C9orf153: variants seen among roughly 807,000 people sequenced by gnomAD.
C9orf153 encodes the protein uncharacterized protein C9orf153.
A neutral mutation model predicts 9.0 loss-of-function variants in C9orf153; 10 were observed. The observed-to-expected ratio is 1.11, with a 90% confidence interval of 0.69 to 1.89. The LOEUF is 1.89. Among genes scored for constraint, C9orf153 ranks in the 40% most tolerant of loss-of-function variants. The pLI is 0.00. For missense variants in C9orf153, 108 were observed against 111.0 expected (o/e 0.97, Z 0.12); for synonymous variants, 35 against 37.3 (o/e 0.94, Z 0.23).
intron 1 of C9orf153, among the ~76,000 whole-genome samples, chr9:86,249,252 G>GAC (rs1413200180): frequency 2.0e-5 from 3 of 152,220 alleles, no homozygotes; most frequent in African/African-American, 7.2e-5. Flanking sequence ...CTGGGAGTAA[G>GAC]ACAGAGTGTG....
chr9:86,242,792 C>T (rs572834349), intron 1 of C9orf153, among the ~76,000 whole-genome samples: 36 of 152,276 alleles, frequency 2.4e-4, no homozygotes, highest in African/African-American at 7.5e-4. Context: ...GATTCTCCTG[C>T]CTCAGTCTCC....
At position 86,221,597 on chromosome 9, in the gene C9orf153, C is replaced by T. The variant is rs929007882; in HGVS notation, c.*91G>A. On this transcript the variant is annotated 3_prime_UTR_variant, in exon 4 of 4. Transcript: ENST00000339137. ...CTATAGGGGGGAAAATAACGTCAGG[C>T]ATGTCCTGGCTCTCTACAAATCTCT... 2.0e-5 allele frequency: 29 copies of T among 1,455,034 alleles called. No individual in the cohort carries two copies. In the African/African-American group the frequency reaches 3.5e-4, roughly 17 times the overall value. The allele number at this position is 1,455,034 out of a possible 1,614,324, so 90.1% of individuals were successfully genotyped here. A position where few individuals can be genotyped will look rare whatever the true frequency, so the allele number is the denominator to read the frequency against.
chr9:86,225,251 T>C (rs1824296950), intron 3 of C9orf153, among the ~76,000 whole-genome samples: 1 of 152,140 alleles, frequency 6.6e-6, no homozygotes, highest in South Asian at 2.1e-4. Context: ...GTTGCAATAC[T>C]AATTACCCCT....
rs1824382812 is a variant in C9orf153 at position 86,228,077 on chromosome 9, T to C, written c.67-47A>G. 2.1e-6 allele frequency: 3 copies of C among 1,410,752 alleles called. No individual in the cohort carries two copies. In the East Asian group the frequency reaches 7.2e-5, roughly 34 times the overall value. The allele number at this position is 1,410,752 out of a possible 1,614,324, so 87.4% of individuals were successfully genotyped here. On this transcript the variant is annotated intron_variant, in intron 2 of 3. Transcript: ENST00000339137. ...GTAAGTCACGAGACTGACAAAAATG[T>C]AATATTCTGGCAGACCTACAAACCC...
intron 3 of C9orf153, among the ~76,000 whole-genome samples, chr9:86,226,638 G>A (rs940337330): frequency 2.6e-5 from 4 of 152,116 alleles, no homozygotes; most frequent in African/African-American, 7.2e-5. Flanking sequence ...ACAAATTGAT[G>A]TAATCTATTA....
At chr9:86,237,924 T>C (rs1824636286) in intron 1 of C9orf153, among the ~76,000 whole-genome samples, 1 of 151,512 alleles carries the variant, frequency 6.6e-6, no homozygotes, top group South Asian at 2.1e-4. Flanking sequence ...ACTAAAAACG[T>C]AAAAAAATTA....
At chr9:86,254,577 A>G (rs1412617097) in intron 1 of C9orf153, among the ~76,000 whole-genome samples, 1 of 152,238 alleles carries the variant, frequency 6.6e-6, no homozygotes, top group Non-Finnish European at 1.5e-5. Context: ...GATACTTCAG[A>G]AACTCTAGAA....
intron 1 of C9orf153, among the ~76,000 whole-genome samples, chr9:86,241,617 T>A (rs1212476600): frequency 6.6e-6 from 1 of 151,996 alleles, no homozygotes; most frequent in Non-Finnish European, 1.5e-5. Context: ...ATAGGAAAAG[T>A]CGTACATTTC....
intron 1 of C9orf153, among the ~76,000 whole-genome samples, chr9:86,256,308 A>C (rs772952444): frequency 6.6e-6 from 1 of 152,228 alleles, no homozygotes; most frequent in Non-Finnish European, 1.5e-5. Context: ...CTCCATCATT[A>C]TTTTAGGTTT....
rs1204686847 is a variant in C9orf153, at chr9:86,238,574, G to A, written c.-26-8945C>T. On this transcript the variant is annotated intron_variant, in intron 1 of 3. Transcript: ENST00000339137. ...ATATATTCATTTTAAAATAGAGAAC[G>A]ACATACCCCAAGAGAGGGACTGCCC... Among the ~76,000 whole-genome samples, 4 of 152,134 alleles carry A rather than the reference G, an allele frequency of 2.6e-5. No homozygotes were observed. In the South Asian group the frequency reaches 6.2e-4, roughly 24 times the overall value.
At chr9:86,250,497 A>G (rs947578271) in intron 1 of C9orf153, among the ~76,000 whole-genome samples, 5 of 152,188 alleles carry the variant, frequency 3.3e-5, no homozygotes, top group Non-Finnish European at 7.3e-5. Flanking sequence ...ATATTTATAC[A>G]ATAAGATCTT....
chr9:86,243,442 AT>A lies in C9orf153; in HGVS notation c.-26-13814del, dbSNP rs113187419. Reference sequence around the variant, plus strand: ...GCCATAGAGCACCTAAAACCCCTGAATTTTTTTTTTTTCTTTTTCTTTTCTT... The same window carrying A: ...GCCATAGAGCACCTAAAACCCCTGAATTTTTTTTTTTCTTTTTCTTTTCTT... On this transcript the variant is annotated intron_variant, in intron 1 of 3. Transcript: ENST00000339137. Among the ~76,000 whole-genome samples, 952 of 143,906 alleles carry A rather than the reference AT, an allele frequency of 6.6e-3. 10 individuals are homozygous for A. Among genetic ancestry groups the A allele is most frequent in the African/African-American group, 0.02 (798 of 39,018 alleles). 94.4% of individuals were successfully genotyped at this position (143,906 alleles called of 152,430 possible).
At chr9:86,230,662 C>T (rs1428124833) in intron 1 of C9orf153, among the ~76,000 whole-genome samples, 1 of 152,104 alleles carries the variant, frequency 6.6e-6, no homozygotes, top group African/African-American at 2.4e-5. Context: ...TAAAGAAAAA[C>T]TCACCCACCT....
intron 1 of C9orf153, among the ~76,000 whole-genome samples, chr9:86,234,211 T>C: frequency 6.6e-6 from 1 of 152,256 alleles, no homozygotes; most frequent in East Asian, 1.9e-4. Context: ...ATTCTTTCTT[T>C]GAGCTTATGC....
At chr9:86,240,479 G>A (rs980925016) in intron 1 of C9orf153, among the ~76,000 whole-genome samples, 1 of 149,620 alleles carries the variant, frequency 6.7e-6, no homozygotes, top group African/African-American at 2.5e-5. Context: ...CTGGGTTCAA[G>A]CGATTCTCCC....
intron 1 of C9orf153, among the ~76,000 whole-genome samples, chr9:86,257,582 G>A (rs994658854): frequency 1.3e-5 from 2 of 152,142 alleles, no homozygotes; most frequent in African/African-American, 4.8e-5. Context: ...CCTTACCCTT[G>A]AGTCTGGCTG....
chr9:86,228,299 TA>T (rs1189334124), intron 2 of C9orf153, among the ~76,000 whole-genome samples: 1 of 152,216 alleles, frequency 6.6e-6, no homozygotes, highest in African/African-American at 2.4e-5. Context: ...ATTAGGCAGT[TA>T]GAATTGAACT....
chr9:86,254,858 A>ACCAG (rs976330442), intron 1 of C9orf153, among the ~76,000 whole-genome samples: 1 of 152,114 alleles, frequency 6.6e-6, no homozygotes, highest in Non-Finnish European at 1.5e-5. Flanking sequence ...GGAGTTTGAG[A>ACCAG]CCAGCCAGCC....
At chr9:86,250,639 T>C (rs1446859063) in intron 1 of C9orf153, among the ~76,000 whole-genome samples, 1 of 152,226 alleles carries the variant, frequency 6.6e-6, no homozygotes, top group Non-Finnish European at 1.5e-5. Context: ...AGTAAGACAT[T>C]TGAATAATGT....
Sources: allele counts gnomAD v4.1 joint callset (sites outside exome capture counted in the v4.1 genomes callset), GRCh38; gene constraint gnomAD v4.1.1; transcripts MANE v1.5; gene names NCBI Gene and HGNC (gene_info 2026-07-23, HGNC 2026-07-21).